The following LAMA2 variants were observed in gnomAD, a reference collection of about 807,000 sequenced individuals.
The protein encoded by LAMA2 is laminin subunit alpha 2, also known as laminin subunit alpha-2.
A neutral mutation model predicts 364.8 loss-of-function variants in LAMA2; 269 were observed. The observed-to-expected ratio is 0.74, with a 90% confidence interval of 0.67 to 0.82. The LOEUF is 0.82. Ranked by LOEUF, LAMA2 falls within the 40% of genes least tolerant of loss-of-function variation. The pLI, the probability that LAMA2 is intolerant of heterozygous loss-of-function variation, is 0.00. For synonymous variants in LAMA2, 1,379 were observed against 1,370.6 expected, an observed-to-expected ratio of 1.01 and a Z score of -0.14; for missense variants, 3,807 against 3,873.2, an observed-to-expected ratio of 0.98 and a Z score of 0.45.
intron 1 of LAMA2, among the ~76,000 whole-genome samples, chr6:128,911,308 T>G (rs1030898508): frequency 1.3e-5 from 2 of 152,150 alleles, no homozygotes; most frequent in Non-Finnish European, 2.9e-5. Context: ...GCGTAGTACC[T>G]TCCCAGCCAG....
chr6:128,936,021 TG>T (rs199738698), intron 1 of LAMA2, among the ~76,000 whole-genome samples: 1,688 of 152,328 alleles, frequency 0.011, 31 homozygotes, highest in African/African-American at 0.039. Context: ...TCATGAGCTC[TG>T]ATAGTTTTAT....
At chr6:129,468,781 T>C (rs1167981186) in intron 51 of LAMA2, among the ~76,000 whole-genome samples, 3 of 151,908 alleles carry the variant, frequency 2.0e-5, no homozygotes, top group Non-Finnish European at 4.4e-5. Context: ...CAACTATGCA[T>C]CAGATGCTGT....
At chr6:129,410,151 G>A (rs1780457044) in intron 40 of LAMA2, among the ~76,000 whole-genome samples, 1 of 152,078 alleles carries the variant, frequency 6.6e-6, no homozygotes, top group Non-Finnish European at 1.5e-5. Context: ...GAATTCCATA[G>A]TTCAGATTCT....
chr6:129,467,415 C>T (rs1271025749), intron 51 of LAMA2, among the ~76,000 whole-genome samples: 1 of 151,792 alleles, frequency 6.6e-6, no homozygotes, highest in Non-Finnish European at 1.5e-5. Context: ...ACAGTGTTCA[C>T]TGTGTGGGTG....
At chr6:129,085,666 G>C (rs546148179) in intron 3 of LAMA2, among the ~76,000 whole-genome samples, 1 of 152,116 alleles carries the variant, frequency 6.6e-6, no homozygotes, top group Non-Finnish European at 1.5e-5. Flanking sequence ...GGACGGAGGA[G>C]TTCTCTAAGG....
intron 1 of LAMA2, among the ~76,000 whole-genome samples, chr6:128,910,466 G>A (rs527763635): frequency 6.6e-6 from 1 of 151,854 alleles, no homozygotes; most frequent in Admixed American, 6.5e-5. Flanking sequence ...CGTAGTTCTC[G>A]AGCCTTGGTT....
intron 1 of LAMA2, among the ~76,000 whole-genome samples, chr6:129,043,294 A>G (rs959657163): frequency 6.6e-6 from 1 of 152,174 alleles, no homozygotes; most frequent in Admixed American, 6.5e-5. Context: ...ATTTACAAAC[A>G]TATGCAATGA....
chr6:129,159,113 T>C (rs1038876760), intron 8 of LAMA2: 1 of 1,576,426 alleles, frequency 6.3e-7, no homozygotes, highest in African/African-American at 1.3e-5. Context: ...AATGTATAGC[T>C]GAGTCATTGT....
chr6:129,048,489 TTTCTTTCC>T (rs1199896456), intron 1 of LAMA2, among the ~76,000 whole-genome samples: 3,335 of 68,800 alleles, frequency 0.048, 53 homozygotes, highest in East Asian at 0.066. Flanking sequence ...TCTTTCTTTC[TTTCTTTCC>T]TTCCTTCCTT....
intron 34 of LAMA2, among the ~76,000 whole-genome samples, chr6:129,382,798 A>T (rs1272539714): frequency 6.6e-6 from 1 of 152,244 alleles, no homozygotes; most frequent in Non-Finnish European, 1.5e-5. Flanking sequence ...GAGGCTGAAG[A>T]TTCCATTAAG....
intron 1 of LAMA2, among the ~76,000 whole-genome samples, chr6:129,027,550 A>G (rs538209756): frequency 6.6e-6 from 1 of 152,138 alleles, no homozygotes; most frequent in East Asian, 1.9e-4. Flanking sequence ...GATTACATCT[A>G]CAGACAAAGA....
chr6:129,200,315 T>C lies in LAMA2; in HGVS notation c.1782+7462T>C, dbSNP rs774781619. 7.7e-3 allele frequency among the ~76,000 whole-genome samples: 959 copies of C among 123,922 alleles called. 123 individuals are homozygous for C. Among genetic ancestry groups the C allele is most frequent in the Non-Finnish European group, 0.01 (584 of 56,600 alleles). 81.3% of individuals were successfully genotyped at this position (123,922 alleles called of 152,430 possible). On this transcript the variant is annotated intron_variant, in intron 12 of 64. Coordinates refer to ENST00000421865, the MANE Select transcript of LAMA2 (RefSeq NM_000426.4). ...ACACATATACATGTGTGTATATATATACGTGTACACATATACATATACACG... is the reference window on the plus strand; with the variant it reads ...ACACATATACATGTGTGTATATATACACGTGTACACATATACATATACACG...
chr6:129,170,876 T>C (rs1398333909), intron 9 of LAMA2, among the ~76,000 whole-genome samples: 2 of 149,542 alleles, frequency 1.3e-5, no homozygotes, highest in Non-Finnish European at 3.0e-5. Context: ...GGTGCATATA[T>C]ATTTAGGATA....
chr6:129,236,639 G>A (rs1784998913), intron 12 of LAMA2, among the ~76,000 whole-genome samples: 1 of 152,054 alleles, frequency 6.6e-6, no homozygotes, highest in East Asian at 1.9e-4. Context: ...GAAATAGTAA[G>A]TAGCATGTAT....
At chr6:129,059,699 ATT>A in intron 2 of LAMA2, 83 bp from the exon 3 acceptor site, 1 of 825,474 alleles carries the variant, frequency 1.2e-6, no homozygotes, top group Non-Finnish European at 2.1e-6. Flanking sequence ...TGTTTTAACC[ATT>A]TTTTTTTACT....
rs1331691994 is a variant in LAMA2 at position 129,502,756 on chromosome 6, C to T, written c.8342C>T (p.Thr2781Ile). The T allele has an allele frequency of 1.2e-6, 2 of 1,610,596 alleles. No individual in the cohort carries two copies. Among genetic ancestry groups the T allele is most frequent in the East Asian group, 2.2e-5 (1 of 44,818 alleles). ...NSHIAIAFDD[T>I]KVKNRLTIEL... The stretch of plus-strand genomic sequence containing the variant: ...CACATTGCAATTGCATTTGATGACA[C>T]CAAAGTTAAAAACCGGTATGTATCA... Residue 2781 changes from threonine to isoleucine, a missense_variant, in exon 59 of 65, where the codon ACC becomes ATC. Physicochemically the swap from Thr to Ile is moderately conservative, Grantham distance 89 (BLOSUM62 -1). This residue lies in a region of LAMA2 where 3,333 missense variants were observed against 3,345.7 expected (regional missense o/e 1.00). Coordinates refer to ENST00000421865, the MANE Select transcript of LAMA2 (RefSeq NM_000426.4).
At position 129,402,404 on chromosome 6, in the gene LAMA2, A is replaced by G. The variant is rs1562531574; in HGVS notation, c.5643A>G (p.Ile1881Met). The G allele has an allele frequency of 2.5e-6, 4 of 1,614,062 alleles. No homozygotes were observed. The highest frequency in any genetic ancestry group is 3.4e-6 in the Non-Finnish European group (4 of 1,179,986). ...AAATAGATGACCTCTCCCAAGAAAT[A>G]AAGGACAGGAAGCTTGCTGAGAAGG... ...NDKIDDLSQEIKDRKLAEKVS... is the reference protein window; with the variant it reads ...NDKIDDLSQEMKDRKLAEKVS... Residue 1881 changes from isoleucine to methionine, a missense_variant, in exon 39 of 65, where the codon ATA becomes ATG. By Grantham distance (10) the Ile-to-Met change is conservative (BLOSUM62 1). Coordinates refer to ENST00000421865, the MANE Select transcript of LAMA2 (RefSeq NM_000426.4).
chr6:129,482,518 T>C (rs1395807120), intron 55 of LAMA2, among the ~76,000 whole-genome samples: 1 of 152,220 alleles, frequency 6.6e-6, no homozygotes, highest in African/African-American at 2.4e-5. Flanking sequence ...AAGAACACAA[T>C]GCTTTACAAA....
intron 18 of LAMA2, among the ~76,000 whole-genome samples, chr6:129,287,530 C>T (rs1179595084): frequency 6.6e-6 from 1 of 152,156 alleles, no homozygotes; most frequent in East Asian, 1.9e-4. Context: ...ACTACAAAGG[C>T]TTTCCAACAT....
Sources: gnomAD v4.1 joint callset for allele counts (sites outside exome capture counted in the v4.1 genomes callset) on GRCh38, gnomAD v4.1.1 for gene constraint, gnomAD v4.1.1 regional missense constraint, MANE v1.5 for transcripts, NCBI Gene and HGNC (gene_info 2026-07-23, HGNC 2026-07-21) for gene names.